ZFPM1: variants seen among roughly 807,000 people sequenced by gnomAD.
ZFPM1 encodes zinc finger protein ZFPM1.
A neutral mutation model predicts 46.3 loss-of-function variants in ZFPM1; 28 were observed. The ratio of observed to expected loss-of-function variants is 0.60; its 90% CI spans 0.45 to 0.83. The LOEUF is 0.83. ZFPM1 is among the 40% of genes least tolerant of loss of function. ZFPM1 has a pLI of 0.00. For missense variants in ZFPM1, 1,878 were observed against 1,432.4 expected, an observed-to-expected ratio of 1.31 and a Z score of -5.02; for synonymous variants, 957 against 675.9, an observed-to-expected ratio of 1.42 and a Z score of -6.45.
At chr16:88,477,417 T>C (rs928263127) in intron 1 of ZFPM1, among the ~76,000 whole-genome samples, 14 of 152,260 alleles carry the variant, frequency 9.2e-5, no homozygotes, top group South Asian at 2.1e-4. Context: ...TGGATTTTAT[T>C]TGGGCTGCGT....
chr16:88,473,989 G>GGA (rs1908547840), intron 1 of ZFPM1, among the ~76,000 whole-genome samples: 1 of 152,254 alleles, frequency 6.6e-6, no homozygotes, highest in South Asian at 2.1e-4. Context: ...CAGGCCCATC[G>GGA]GAGGGCCGGG....
In ZFPM1 at chr16:88,453,679, G is replaced by A. The variant is rs1489301038; in HGVS notation, c.40+1G>A. 1 of 1,199,192 alleles carries A rather than the reference G, an allele frequency of 8.3e-7. No individual in the cohort carries two copies. The allele number at this position is 1,199,192 out of a possible 1,614,324, so 74.3% of individuals were successfully genotyped here. ...CAGAGCAACCCCCGGCAGATCAAGC[G>A]TGAGTCAAACTTTGCCCGCGGTCCC... is the stretch of plus-strand genomic sequence containing the variant. On this transcript the variant is annotated splice_donor_variant, in intron 1 of 9. Coordinates refer to ENST00000319555, the MANE Select transcript of ZFPM1 (RefSeq NM_153813.3). LOFTEE classifies it high-confidence loss of function.
At chr16:88,517,802 CTGAAAGGGTGGGTGGGTAGATGGA>C (rs1911445723) in intron 4 of ZFPM1, among the ~76,000 whole-genome samples, 2 of 38,176 alleles carry the variant, frequency 5.2e-5, no homozygotes, top group Non-Finnish European at 9.2e-5. Flanking sequence ...GGGTGGGTGG[CTGAAAGGGTGGGTGGGTAGATGGA>C]TGGATGGATG....
intron 3 of ZFPM1, among the ~76,000 whole-genome samples, chr16:88,493,049 A>G (rs1242675615): frequency 0.079 from 2,879 of 36,226 alleles, 3 homozygotes; most frequent in African/African-American, 0.11. Flanking sequence ...ATGGAGAGCT[A>G]TCCCGGGGTG....
rs1262736861 is a variant in ZFPM1, at chr16:88,517,797, G to A, written c.402+3277G>A. On this transcript the variant is annotated intron_variant, in intron 4 of 9. Coordinates refer to ENST00000319555, the MANE Select transcript of ZFPM1 (RefSeq NM_153813.3). ...AGATGGATGGATGAATGAATGGGTGGGTGGCTGAAAGGGTGGGTGGGTAGA... is the reference window on the plus strand; with the variant it reads ...AGATGGATGGATGAATGAATGGGTGAGTGGCTGAAAGGGTGGGTGGGTAGA... Among the ~76,000 whole-genome samples, 265 of 149,008 alleles carry A rather than the reference G, an allele frequency of 1.8e-3. 2 individuals carry two copies. Among genetic ancestry groups the A allele is most frequent in the Admixed American group, 3.1e-3 (47 of 15,062 alleles).
rs1395354516 is a variant in ZFPM1, at chr16:88,533,245, C to G, written c.1287C>G (p.Asp429Glu). 6.4e-7 allele frequency: 1 copy of G among 1,560,064 alleles called. No individual in the cohort carries two copies. Among genetic ancestry groups the G allele is most frequent in the South Asian group, 1.2e-5 (1 of 85,712 alleles). ...GLAPTPSPGL[D>E]RKALAEATNG... ...CGCCCACCCCATCGCCAGGACTGGA[C>G]AGAAAGGCCCTGGCCGAGGCCACCA... The change falls in exon 10 of 10, where the codon GAC becomes GAG. Residue 429 changes from aspartate to glutamate, a missense_variant. Transcript: ENST00000319555.
chr16:88,518,817 T>C (rs1242385850), intron 4 of ZFPM1, among the ~76,000 whole-genome samples: 1 of 134,352 alleles, frequency 7.4e-6, no homozygotes. Flanking sequence ...GATGGGAGGG[T>C]AGATGGGTAG....
intron 6 of ZFPM1, among the ~76,000 whole-genome samples, chr16:88,529,860 G>A (rs1284213076): frequency 2.0e-5 from 3 of 152,220 alleles, no homozygotes; most frequent in Non-Finnish European, 2.9e-5. Context: ...GTGCCTGGTA[G>A]CCAGGACATA....
chr16:88,454,079 G>C (rs936210768), intron 1 of ZFPM1, among the ~76,000 whole-genome samples: 1 of 152,250 alleles, frequency 6.6e-6, no homozygotes, highest in African/African-American at 2.4e-5. Context: ...AGATCGTTCT[G>C]TCGGGACGGG....
chr16:88,501,388 GCCCTCCCGCAGGT>G (rs1910299360), intron 3 of ZFPM1, among the ~76,000 whole-genome samples: 1 of 131,418 alleles, frequency 7.6e-6, no homozygotes, highest in African/African-American at 2.9e-5. Context: ...TGGGTGCGGG[GCCCTCCCGCAGGT>G]GCTGGTGATG....
intron 6 of ZFPM1, among the ~76,000 whole-genome samples, chr16:88,528,904 C>T (rs1289174409): frequency 6.6e-6 from 1 of 152,224 alleles, no homozygotes; most frequent in South Asian, 2.1e-4. Flanking sequence ...ACAGAGCCGC[C>T]CCTGGGGACA....
At position 88,533,386 on chromosome 16, in the gene ZFPM1, G is replaced by A. The variant is rs1487470223; in HGVS notation, c.1428G>A (p.Leu476=). ...AGGAGCCGGAGGCGGCCCCCATCCT[G>A]GGCCCCGGAGAGCCTGGGCCCCAGG... ...AVEEPEAAPI[L]GPGEPGPQAP... is the part of the protein sequence containing the mutation. Residue 476 remains leucine (L), a synonymous_variant, in exon 10 of 10, where the codon CTG becomes CTA. Transcript: ENST00000319555. The A allele has an allele frequency of 4.6e-6, 7 of 1,523,868 alleles. No individual in the cohort carries two copies. Among genetic ancestry groups the A allele is most frequent in the African/African-American group, 4.2e-5 (3 of 71,052 alleles). The allele number at this position is 1,523,868 out of a possible 1,614,324, so 94.4% of individuals were successfully genotyped here.
Position 88,533,967 on chromosome 16 carries a change from G to A in ZFPM1, c.2009G>A (p.Gly670Asp), listed in dbSNP as rs773013769. 137 of 1,317,238 alleles carry A rather than the reference G, an allele frequency of 1.0e-4. 1 individual carries two copies. In the Middle Eastern group the frequency reaches 2.0e-3, roughly 19 times the overall value. The allele number at this position is 1,317,238 out of a possible 1,614,324, so 81.6% of individuals were successfully genotyped here. ...GGCAGCGAGGGCAGCCAGAGCCCGG[G>A]TAGCTCCGTGGACGACGCGGAGGAC... ...GRGSEGSQSP[G>D]SSVDDAEDDP... The change falls in exon 10 of 10, where the codon GGT becomes GAT. Residue 670 changes from glycine to aspartate, a missense_variant. Transcript: ENST00000319555.
rs770094390 is a variant in ZFPM1 at position 88,532,875 on chromosome 16, G to C, written c.1129G>C (p.Gly377Arg). The change falls in exon 9 of 10, where the codon GGC becomes CGC. Residue 377 changes from glycine (G) to arginine (R), a missense_variant. By Grantham distance (125) the Gly-to-Arg change is moderately radical. Transcript: ENST00000319555. The stretch of plus-strand genomic sequence containing the variant: ...CACCAACCACATGGTCTGCCAGCCT[G>C]GCTCCAAGGGTGAGATCTACTCGCC... Reference protein sequence around the residue: ...LVTNHMVCQPGSKGEIYSPGA... With the variant: ...LVTNHMVCQPRSKGEIYSPGA... The C allele has an allele frequency of 1.9e-6, 3 of 1,613,390 alleles. No individual in the cohort carries two copies. Among genetic ancestry groups the C allele is most frequent in the South Asian group, 2.2e-5 (2 of 91,088 alleles).
At chr16:88,453,835 A>C (rs1250879246) in intron 1 of ZFPM1, among the ~76,000 whole-genome samples, 157 bp downstream of exon 1, 1 of 151,350 alleles carries the variant, frequency 6.6e-6, no homozygotes, top group Non-Finnish European at 1.5e-5. Context: ...GCCGTAATCT[A>C]ATCTCCGCCG....
At chr16:88,517,206 ATGGATGGATGGATGGATGGATGGGTGGG>A (rs1567548113) in intron 4 of ZFPM1, among the ~76,000 whole-genome samples, 1 of 121,516 alleles carries the variant, frequency 8.2e-6, no homozygotes, top group African/African-American at 3.1e-5. Flanking sequence ...GGATGGATGG[ATGGATGGATGGATGGATGGATGGGTGGG>A]TGGGTGGGTG....
At chr16:88,507,496 T>C (rs1304464436) in intron 3 of ZFPM1, among the ~76,000 whole-genome samples, 1 of 152,102 alleles carries the variant, frequency 6.6e-6, no homozygotes. Flanking sequence ...GGTCTCCTGG[T>C]CCTAGACCTG....
At chr16:88,510,137 G>A (rs908659008) in intron 3 of ZFPM1, among the ~76,000 whole-genome samples, 8 of 152,128 alleles carry the variant, frequency 5.3e-5, no homozygotes, top group African/African-American at 1.7e-4. Flanking sequence ...GCACGAGCCC[G>A]AGGGAACGTC....
intron 1 of ZFPM1, 38 bp downstream of exon 1, chr16:88,453,716 C>T: frequency 8.6e-7 from 1 of 1,156,778 alleles, no homozygotes; most frequent in South Asian, 2.3e-5. Context: ...TCCGCGCGCC[C>T]GACCCCCGCC....
Sources: gnomAD v4.1 joint callset for allele counts (sites outside exome capture counted in the v4.1 genomes callset) on GRCh38, gnomAD v4.1.1 for gene constraint, MANE v1.5 for transcripts, NCBI Gene and HGNC (gene_info 2026-07-23, HGNC 2026-07-21) for gene names.